The following SPTA1 variants were observed in gnomAD, a reference collection of about 807,000 sequenced individuals.
SPTA1 encodes the protein spectrin alpha, erythrocytic 1, also known as spectrin alpha chain, erythrocytic 1.
Under a neutral mutation model 324.7 loss-of-function variants are expected in SPTA1, and 177 were observed. That is an observed-to-expected ratio of 0.55 (90% CI 0.48 to 0.62). SPTA1 has a LOEUF of 0.62. Ranked by LOEUF, SPTA1 falls within the 20% of genes least tolerant of loss-of-function variation. The probability of loss-of-function intolerance (pLI) is 0.00; values close to 1 mark genes in which losing one functional copy is unlikely to be tolerated. For synonymous variants in SPTA1, 1,195 were observed against 1,041.3 expected, an observed-to-expected ratio of 1.15 and a Z score of -2.84; for missense variants, 3,162 against 2,883.6, an observed-to-expected ratio of 1.10 and a Z score of -2.21.
intron 42 of SPTA1, 72 bp downstream of exon 42, chr1:158,626,074 A>G: frequency 2.1e-6 from 3 of 1,405,116 alleles, no homozygotes; most frequent in Non-Finnish European, 2.0e-6. Context: ...AAAATTCAGA[A>G]ATAAATAATC....
chr1:158,634,064 C>A (rs1650881845), intron 39 of SPTA1, among the ~76,000 whole-genome samples: 1 of 152,116 alleles, frequency 6.6e-6, no homozygotes, highest in Non-Finnish European at 1.5e-5. Flanking sequence ...ATAGAGAAAC[C>A]CAATCCTGCA....
intron 2 of SPTA1, among the ~76,000 whole-genome samples, chr1:158,684,549 T>C (rs1256675238): frequency 6.6e-6 from 1 of 152,136 alleles, no homozygotes; most frequent in Admixed American, 6.6e-5. Context: ...CACCCCGATG[T>C]TTATGAAGAT....
intron 10 of SPTA1, among the ~76,000 whole-genome samples, chr1:158,674,069 A>G (rs1283440912): frequency 1.3e-5 from 2 of 152,184 alleles, no homozygotes; most frequent in Admixed American, 6.5e-5. Context: ...GAGAATGTAC[A>G]TGCATCGTAT....
At chr1:158,686,334 G>A (rs988743777) in intron 1 of SPTA1, among the ~76,000 whole-genome samples, 160 bp downstream of exon 1, 11 of 150,078 alleles carry the variant, frequency 7.3e-5, no homozygotes, top group Non-Finnish European at 1.6e-4. Context: ...ATAAGCTCAA[G>A]GTTATTGTTC....
At chr1:158,659,999 C>G (rs892614039) in intron 18 of SPTA1, among the ~76,000 whole-genome samples, 9 of 151,952 alleles carry the variant, frequency 5.9e-5, no homozygotes, top group African/African-American at 1.9e-4. Flanking sequence ...ATCACAATGG[C>G]AAAATCACTG....
In SPTA1 at chr1:158,683,354, A is replaced by C. The variant is rs116107257; in HGVS notation, c.390+17T>G. 5 of 1,612,808 alleles carry C rather than the reference A, an allele frequency of 3.1e-6. No individual in the cohort carries two copies. Among genetic ancestry groups the C allele is most frequent in the African/African-American group, 2.7e-5 (2 of 74,822 alleles). On this transcript the variant is annotated intron_variant, in intron 3 of 51. Coordinates refer to ENST00000643759, the MANE Select transcript of SPTA1 (RefSeq NM_003126.4). ...TAATCAATAATTGGAAACTTCTTCAAGGGCCCATACATATACCTTCGTTTC... is the reference window on the plus strand; with the variant it reads ...TAATCAATAATTGGAAACTTCTTCACGGGCCCATACATATACCTTCGTTTC...
rs1381126148 is a variant in SPTA1 at position 158,651,476 on chromosome 1, G to C, written c.3376-8C>G. The C allele has an allele frequency of 6.3e-7, 1 of 1,583,378 alleles. No individual in the cohort carries two copies. The highest frequency in any genetic ancestry group is 1.7e-5 in the Admixed American group (1 of 59,972). On this transcript the variant is annotated splice_region_variant and splice_polypyrimidine_tract_variant and intron_variant, in intron 23 of 51. Transcript: ENST00000643759. ...CTCATTGGTATTCAAATCCTGAATG[G>C]GAAAATTCATCCAAAGCAGTGTAAA...
chr1:158,646,113 A>G (rs1377066265), intron 27 of SPTA1, among the ~76,000 whole-genome samples: 1 of 152,160 alleles, frequency 6.6e-6, no homozygotes, highest in African/African-American at 2.4e-5. Flanking sequence ...ATTTTGGCCA[A>G]CATACACATA....
chr1:158,640,101 G>A, intron 33 of SPTA1, 94 bp from the exon 34 acceptor site: 6 of 1,557,406 alleles, frequency 3.9e-6, no homozygotes, highest in Non-Finnish European at 5.3e-6. Flanking sequence ...GTGAAGGCAG[G>A]AACTAGCCAA....
chr1:158,645,652 G>C (rs1651945965), intron 27 of SPTA1, 58 bp from the exon 28 acceptor site: 2 of 1,556,058 alleles, frequency 1.3e-6, no homozygotes, highest in African/African-American at 1.4e-5. Context: ...CTACAGTGCT[G>C]TTTGTCCTAC....
rs857725 is a variant in SPTA1 at position 158,638,145 on chromosome 1, T to A, written c.5077A>T (p.Lys1693Ter). 1 of 1,613,828 alleles carries A rather than the reference T, an allele frequency of 6.2e-7. No homozygotes were observed. The change falls in exon 36 of 52, where the codon AAG becomes TAG. Residue 1693 changes from lysine (K) to a stop codon, truncating the protein, a stop_gained. Coordinates refer to ENST00000643759, the MANE Select transcript of SPTA1 (RefSeq NM_003126.4). LOFTEE classifies it high-confidence loss of function. ...QIVKKKDNVN[K>*]RFLNVQELAA... ...AATTCTTGGACATTCAGGAAACGCTTGTTGACATTATCTTTTTTCTTCACA... is the reference window on the plus strand; with the variant it reads ...AATTCTTGGACATTCAGGAAACGCTAGTTGACATTATCTTTTTTCTTCACA...
intron 3 of SPTA1, among the ~76,000 whole-genome samples, chr1:158,682,317 C>T (rs1184794840): frequency 6.6e-6 from 1 of 152,092 alleles, no homozygotes; most frequent in Non-Finnish European, 1.5e-5. Context: ...GCATGTGGAC[C>T]ACATATGTCG....
At position 158,644,348 on chromosome 1, in the gene SPTA1, C is replaced by T. The variant is rs1217757799; in HGVS notation, c.4243G>A (p.Glu1415Lys). The change falls in exon 30 of 52, where the codon GAG becomes AAG. Residue 1415 changes from glutamate (E) to lysine (K), a missense_variant. Physicochemically the swap from Glu to Lys is moderately conservative, Grantham distance 56. Coordinates refer to ENST00000643759, the MANE Select transcript of SPTA1 (RefSeq NM_003126.4). Reference protein sequence around the residue: ...DQVESWMVARENSLRSDDKSS... With the variant: ...DQVESWMVARKNSLRSDDKSS... The stretch of plus-strand genomic sequence containing the variant: ...TTGTCATCTGACCTCAGGGAATTCT[C>T]ACGTGCCACCATCCAGCTCTCAACT... 1.2e-6 allele frequency: 2 copies of T among 1,613,796 alleles called. No individual in the cohort carries two copies. Among genetic ancestry groups the T allele is most frequent in the African/African-American group, 1.3e-5 (1 of 74,886 alleles).
At chr1:158,638,007 C>G (rs763370347) in intron 36 of SPTA1, 26 bp downstream of exon 36, 1 of 1,610,872 alleles carries the variant, frequency 6.2e-7, no homozygotes. Flanking sequence ...GTATTATCCA[C>G]ACATTTTTGA....
Position 158,653,277 on chromosome 1 carries a change from T to C in SPTA1, c.3185A>G (p.Asn1062Ser). The change falls in exon 22 of 52, where the codon AAC (asparagine) becomes AGC (serine). Residue 1062 changes from asparagine to serine, a missense_variant. Asn to Ser is a conservative substitution (Grantham distance 46). Transcript: ENST00000643759. ...NITQRQEQIENQYRSLLDRAE... is the reference protein window; with the variant it reads ...NITQRQEQIESQYRSLLDRAE... Reference sequence around the variant, plus strand: ...TTCTCCAGGCTCCAGAACTTACTGGTTCTCAATCTGCTCCTGGCGCTGGGT... The same window carrying C: ...TTCTCCAGGCTCCAGAACTTACTGGCTCTCAATCTGCTCCTGGCGCTGGGT... 1.2e-6 allele frequency: 2 copies of C among 1,614,116 alleles called. No homozygotes were observed. Among genetic ancestry groups the C allele is most frequent in the Non-Finnish European group, 1.7e-6 (2 of 1,179,998 alleles).
chr1:158,652,531 T>C lies in SPTA1; in HGVS notation c.3311A>G (p.Glu1104Gly), dbSNP rs1172968529. 8.1e-6 allele frequency: 13 copies of C among 1,614,076 alleles called. No homozygotes were observed. Among genetic ancestry groups the C allele is most frequent in the Non-Finnish European group, 9.3e-6 (11 of 1,180,044 alleles). ...ATCATCTAGTTCCACTCCAGTGTTT[T>C]CTGCCTTTTTCTCTTGAATCCATTC... ...MLEWIQEKKA[E>G]NTGVELDDVW... The change falls in exon 23 of 52, where the codon GAA becomes GGA. Residue 1104 changes from glutamate to glycine, a missense_variant. Glu to Gly is a moderately conservative substitution (Grantham distance 98, BLOSUM62 -2). Coordinates refer to ENST00000643759, the MANE Select transcript of SPTA1 (RefSeq NM_003126.4).
chr1:158,620,840 GA>G (rs200959019), intron 43 of SPTA1: 22,420 of 89,506 alleles, frequency 0.25, 1,680 homozygotes, highest in Middle Eastern at 0.32. Context: ...TAGTAAACAT[GA>G]AAAAAAAAAA....
In SPTA1 at chr1:158,671,446, A is replaced by C. The variant is rs1468874777; in HGVS notation, c.1496T>G (p.Leu499Arg). The change falls in exon 12 of 52, where the codon CTG becomes CGG. Residue 499 changes from leucine (L) to arginine (R), a missense_variant. Transcript: ENST00000643759. ...TGAGTTTCCCAGATCCTCGTTTTCC[A>C]GGAAGGCCTGTAGAAGACAGAAAGA... ...DSWMSRQEAF[L>R]ENEDLGNSLG... 1.4e-5 allele frequency: 22 copies of C among 1,612,570 alleles called. No homozygotes were observed. Among genetic ancestry groups the C allele is most frequent in the Non-Finnish European group, 1.9e-5 (22 of 1,179,820 alleles).
intron 44 of SPTA1, 81 bp downstream of exon 44, chr1:158,620,089 T>C: frequency 2.0e-6 from 3 of 1,529,950 alleles, no homozygotes; most frequent in South Asian, 1.1e-5. Flanking sequence ...GTTCCTTCTA[T>C]GTCAAAAGTC....
Sources: gnomAD v4.1 joint callset for allele counts (sites outside exome capture counted in the v4.1 genomes callset) on GRCh38, gnomAD v4.1.1 for gene constraint, MANE v1.5 for transcripts, NCBI Gene and HGNC (gene_info 2026-07-23, HGNC 2026-07-21) for gene names.